The following MRRF variants were observed in gnomAD, a reference collection of about 807,000 sequenced individuals.
The protein encoded by MRRF is ribosome-recycling factor, mitochondrial.
Under a neutral mutation model 25.1 loss-of-function variants are expected in MRRF, and 18 were observed. That is an observed-to-expected ratio of 0.72 (90% CI 0.50 to 1.06). The LOEUF is 1.06. MRRF is among the 50% of genes least tolerant of loss of function. MRRF has a pLI of 0.00. For missense variants in MRRF, 323 were observed against 319.3 expected (o/e 1.01, Z -0.09); for synonymous variants, 113 against 112.1 (o/e 1.01, Z -0.05).
rs1397842220 is a variant in MRRF, at chr9:122,327,865, GTTTC to G, written c.*5252_*5255del. 1 of 144,266 alleles carries G rather than the reference GTTTC, an allele frequency of 6.9e-6. No individual in the cohort carries two copies. The highest frequency in any genetic ancestry group is 1.5e-5 in the Non-Finnish European group (1 of 65,608). The allele number at this position is 144,266 out of a possible 1,614,324, so 8.9% of individuals were successfully genotyped here. A position where few individuals can be genotyped will look rare whatever the true frequency, so the allele number is the denominator to read the frequency against. ...AGCTTTCAGAATCACTATTTTAGGT[GTTTC>G]TTTTTTTTTTTGGAATTGGGTTTTG... is the stretch of plus-strand genomic sequence containing the variant. On this transcript the variant is annotated 3_prime_UTR_variant, in exon 7 of 7. Transcript: ENST00000344641.
chr9:122,315,292 G>A (rs568885602), intron 6 of MRRF, among the ~76,000 whole-genome samples: 1 of 152,250 alleles, frequency 6.6e-6, no homozygotes, highest in African/African-American at 2.4e-5. Flanking sequence ...GCGTCCAGCT[G>A]GAATGTATAG....
intron 5 of MRRF, among the ~76,000 whole-genome samples, chr9:122,294,675 G>A (rs1308665521): frequency 6.6e-6 from 1 of 152,200 alleles, no homozygotes; most frequent in Non-Finnish European, 1.5e-5. Flanking sequence ...TAAGAGGATC[G>A]AGGTTTTTAT....
chr9:122,295,002 A>G (rs1470850874), intron 5 of MRRF, among the ~76,000 whole-genome samples: 1 of 152,172 alleles, frequency 6.6e-6, no homozygotes, highest in African/African-American at 2.4e-5. Flanking sequence ...GAAAGCAGAA[A>G]AGTATAATGG....
chr9:122,325,038 G>T lies in MRRF; in HGVS notation c.*2421G>T, dbSNP rs182535302. 1 of 152,204 alleles carries T rather than the reference G, an allele frequency of 6.6e-6. No individual in the cohort carries two copies. The highest frequency in any genetic ancestry group is 1.5e-5 in the Non-Finnish European group (1 of 68,040). The allele number at this position is 152,204 out of a possible 1,614,324, so 9.4% of individuals were successfully genotyped here. A position where few individuals can be genotyped will look rare whatever the true frequency, so the allele number is the denominator to read the frequency against. ...CCGAAATCCCCCACTCACTGCAAAT[G>T]TGCTTCTCAAAGATGCAGGATTTTT... On this transcript the variant is annotated 3_prime_UTR_variant, in exon 7 of 7. Transcript: ENST00000344641.
intron 6 of MRRF, among the ~76,000 whole-genome samples, chr9:122,315,217 A>C (rs547295671): frequency 6.6e-6 from 1 of 152,160 alleles, no homozygotes; most frequent in Non-Finnish European, 1.5e-5. Context: ...GGGTCTCACT[A>C]TGTTGCCCAG....
intron 5 of MRRF, among the ~76,000 whole-genome samples, chr9:122,296,489 C>T (rs998785446): frequency 6.6e-6 from 1 of 152,168 alleles, no homozygotes; most frequent in Admixed American, 6.5e-5. Context: ...ATTTTAGGCT[C>T]ATTTGACTGA....
Position 122,305,282 on chromosome 9 carries a change from G to A in MRRF, c.552-7945G>A, listed in dbSNP as rs113530966. Reference sequence around the variant, plus strand: ...AAAAATTAGCCTGGTGTGGTGGCACGTGCCTATAGTCCCAGCTACTCAGGA... The same window carrying A: ...AAAAATTAGCCTGGTGTGGTGGCACATGCCTATAGTCCCAGCTACTCAGGA... On this transcript the variant is annotated intron_variant, in intron 5 of 6. Transcript: ENST00000344641. Among the ~76,000 whole-genome samples, 1,199 of 151,760 alleles carry A rather than the reference G, an allele frequency of 7.9e-3. 10 individuals carry two copies. Among genetic ancestry groups the A allele is most frequent in the African/African-American group, 0.028 (1,144 of 41,374 alleles).
intron 5 of MRRF, among the ~76,000 whole-genome samples, chr9:122,305,587 G>T (rs541939834): frequency 6.6e-6 from 1 of 152,232 alleles, no homozygotes; most frequent in African/African-American, 2.4e-5. Flanking sequence ...CAGGGAAATG[G>T]CTCTGTAGCA....
chr9:122,289,536 C>T (rs1196364213), intron 4 of MRRF, among the ~76,000 whole-genome samples: 1 of 151,064 alleles, frequency 6.6e-6, no homozygotes, highest in Admixed American at 6.6e-5. Flanking sequence ...GATTGAAAGA[C>T]TTAAGAATGG....
intron 5 of MRRF, among the ~76,000 whole-genome samples, chr9:122,298,468 C>G (rs1834228621): frequency 6.6e-6 from 1 of 152,006 alleles, no homozygotes; most frequent in Non-Finnish European, 1.5e-5. Flanking sequence ...TATATGTGTC[C>G]CTGTGACTAC....
intron 1 of MRRF, among the ~76,000 whole-genome samples, chr9:122,268,780 C>T (rs1292217169): frequency 6.6e-6 from 1 of 152,206 alleles, no homozygotes; most frequent in Non-Finnish European, 1.5e-5. Flanking sequence ...AGACTTCATA[C>T]ACTGATCACT....
intron 5 of MRRF, among the ~76,000 whole-genome samples, chr9:122,305,028 G>A (rs911420230): frequency 8.6e-5 from 13 of 151,776 alleles, no homozygotes; most frequent in African/African-American, 3.1e-4. Flanking sequence ...CTGCCACTTC[G>A]AATTCCTGGG....
At chr9:122,299,898 G>C (rs573568351) in intron 5 of MRRF, among the ~76,000 whole-genome samples, 13 of 152,302 alleles carry the variant, frequency 8.5e-5, no homozygotes, top group African/African-American at 3.1e-4. Context: ...TTTGGGGTTA[G>C]ACAGACCTGG....
intron 4 of MRRF, among the ~76,000 whole-genome samples, chr9:122,290,526 G>T (rs924283048): frequency 5.9e-5 from 9 of 152,140 alleles, no homozygotes; most frequent in African/African-American, 2.2e-4. Context: ...TAGCAGTAAG[G>T]TTATTTAAAA....
intron 6 of MRRF, among the ~76,000 whole-genome samples, chr9:122,320,735 A>C (rs1179175546): frequency 6.6e-6 from 1 of 152,216 alleles, no homozygotes; most frequent in Non-Finnish European, 1.5e-5. Context: ...GACCAATTGC[A>C]CTAAATCCTT....
intron 2 of MRRF, among the ~76,000 whole-genome samples, chr9:122,279,168 G>A (rs956347245): frequency 3.9e-5 from 6 of 152,116 alleles, no homozygotes; most frequent in African/African-American, 2.4e-5. Flanking sequence ...ACTGCGCCCA[G>A]CCCCACATCT....
At chr9:122,311,057 T>C (rs1384302868) in intron 5 of MRRF, among the ~76,000 whole-genome samples, 1 of 152,230 alleles carries the variant, frequency 6.6e-6, no homozygotes, top group African/African-American at 2.4e-5. Context: ...TTGTGTCTGC[T>C]TCTCCTAATC....
At chr9:122,318,635 C>T (rs1428987767) in intron 6 of MRRF, among the ~76,000 whole-genome samples, 1 of 152,166 alleles carries the variant, frequency 6.6e-6, no homozygotes. Context: ...TCTGTCCCTG[C>T]CTTTCATTTT....
chr9:122,323,008 G>A lies in MRRF; in HGVS notation c.*391G>A. 1.4e-5 allele frequency: 4 copies of A among 277,604 alleles called. No individual in the cohort carries two copies. Among genetic ancestry groups the A allele is most frequent in the Non-Finnish European group, 2.1e-5 (3 of 141,912 alleles). 17.2% of individuals were successfully genotyped at this position (277,604 alleles called of 1,614,324 possible). ...CTGATATTGGCCTTCACCTGTGACT[G>A]GACACTTTACTAGAGGCCCATTTTC... On this transcript the variant is annotated 3_prime_UTR_variant, in exon 7 of 7. Transcript: ENST00000344641.
Sources: gnomAD v4.1 joint callset for allele counts (sites outside exome capture counted in the v4.1 genomes callset) on GRCh38, gnomAD v4.1.1 for gene constraint, MANE v1.5 for transcripts, NCBI Gene and HGNC (gene_info 2026-07-23, HGNC 2026-07-21) for gene names.